The following NAP1L4 variants were observed in gnomAD, a reference collection of about 807,000 sequenced individuals.
The protein encoded by NAP1L4 is nucleosome assembly protein 1 like 4.
A neutral mutation model predicts 58.2 loss-of-function variants in NAP1L4; 15 were observed. The ratio of observed to expected loss-of-function variants is 0.26; its 90% CI spans 0.17 to 0.40. The LOEUF (loss-of-function observed/expected upper bound fraction) is 0.40. Ranked by LOEUF, NAP1L4 falls within the 10% of genes least tolerant of loss-of-function variation. NAP1L4 has a pLI of 1.00. For missense variants in NAP1L4, 384 were observed against 451.1 expected (o/e 0.85, Z 1.35); for synonymous variants, 171 against 155.6 (o/e 1.10, Z -0.74).
At chr11:2,963,865 G>A (rs928908477) in intron 8 of NAP1L4, 2 of 519,174 alleles carry the variant, frequency 3.9e-6, no homozygotes, top group African/African-American at 3.8e-5. Context: ...ATTAGCTACA[G>A]CCAGGCTAAC....
At chr11:2,987,462 A>T (rs2134027030) in intron 1 of NAP1L4, among the ~76,000 whole-genome samples, 1 of 151,448 alleles carries the variant, frequency 6.6e-6, no homozygotes, top group Non-Finnish European at 1.5e-5. Flanking sequence ...TAATGTTTAA[A>T]AGCAATGAAT....
Position 2,945,409 on chromosome 11 carries a change from G to A in NAP1L4, c.*270C>T. ...GTGCTGGACGAAACCTCCTATTTCTGAAATGCATTTCAGTTGCCACTGTAC... is the reference window on the plus strand; with the variant it reads ...GTGCTGGACGAAACCTCCTATTTCTAAAATGCATTTCAGTTGCCACTGTAC... On this transcript the variant is annotated 3_prime_UTR_variant, in exon 16 of 16. Transcript: ENST00000380542. The A allele has an allele frequency of 1.7e-6, 1 of 573,070 alleles. No homozygotes were observed. The highest frequency in any genetic ancestry group is 3.1e-6 in the Non-Finnish European group (1 of 324,530). 35.5% of individuals were successfully genotyped at this position (573,070 alleles called of 1,614,324 possible).
At position 2,954,726 on chromosome 11, in the gene NAP1L4, C is replaced by T. The variant is rs947969987; in HGVS notation, c.916-80G>A. The T allele has an allele frequency of 2.5e-6, 4 of 1,580,502 alleles. No homozygotes were observed. The African/African-American group carries it at 4.0e-5, about 16-fold the overall frequency. On this transcript the variant is annotated intron_variant, in intron 11 of 15. Transcript: ENST00000380542. The surrounding 1 kb of genome is among the most constrained non-coding windows in gnomAD (Gnocchi z 4.8). ...TTCACCACCCTCAGCCAAACCTCAG[C>T]CCCTCACTTTTGATTTACTTAACTT...
chr11:2,968,638 A>G (rs946580639), intron 7 of NAP1L4, among the ~76,000 whole-genome samples: 1 of 152,234 alleles, frequency 6.6e-6, no homozygotes, highest in East Asian at 1.9e-4. Flanking sequence ...TAAAAACCGT[A>G]GCTGTAAAAT....
intron 10 of NAP1L4, among the ~76,000 whole-genome samples, chr11:2,957,497 C>T (rs900630429): frequency 6.6e-6 from 1 of 152,238 alleles, no homozygotes; most frequent in African/African-American, 2.4e-5. Flanking sequence ...GCCCCACATA[C>T]AAACAAACAC....
In NAP1L4 at chr11:2,948,867, A is replaced by G. The variant is rs1338418882; in HGVS notation, c.*32+360T>C. 6.6e-6 allele frequency among the ~76,000 whole-genome samples: 1 copy of G among 152,238 alleles called. No homozygotes were observed. Among genetic ancestry groups the G allele is most frequent in the Non-Finnish European group, 1.5e-5 (1 of 68,038 alleles). ...GTTCTGAGCACAGCTGGGACAGCCC[A>G]GTGTGTTATGCTCTCTGCAAGGACT... On this transcript the variant is annotated intron_variant, in intron 15 of 15. Coordinates refer to ENST00000380542, the MANE Select transcript of NAP1L4 (RefSeq NM_005969.4). The surrounding 1 kb of genome is among the most constrained non-coding windows in gnomAD (Gnocchi z 5.1).
chr11:2,982,471 T>C (rs750071250), intron 1 of NAP1L4, among the ~76,000 whole-genome samples: 21 of 152,186 alleles, frequency 1.4e-4, no homozygotes, highest in Non-Finnish European at 2.9e-4. Context: ...ACATACTTCA[T>C]TTCCAGCACC....
At chr11:2,950,377 G>C (rs572627338) in intron 14 of NAP1L4, among the ~76,000 whole-genome samples, 2 of 152,316 alleles carry the variant, frequency 1.3e-5, no homozygotes, top group East Asian at 3.9e-4. Flanking sequence ...GAAACAGCCA[G>C]TTTAAACCAA....
chr11:2,956,425 T>G (rs1386059662), intron 10 of NAP1L4, among the ~76,000 whole-genome samples: 2 of 152,090 alleles, frequency 1.3e-5, no homozygotes, highest in Non-Finnish European at 2.9e-5. Flanking sequence ...TTAGAAACAT[T>G]TACTACAAGA....
In NAP1L4 at chr11:2,944,652, A is replaced by AG. The variant is rs910596038; in HGVS notation, c.*1026dup. The AG allele has an allele frequency of 1.8e-4, 28 of 152,354 alleles. No individual in the cohort carries two copies. Among genetic ancestry groups the AG allele is most frequent in the African/African-American group, 6.7e-4 (28 of 41,578 alleles). 9.4% of individuals were successfully genotyped at this position (152,354 alleles called of 1,614,324 possible). A position where few individuals can be genotyped will look rare whatever the true frequency, so the allele number is the denominator to read the frequency against. ...CGGTCACACCAAACCCAGGACCTTCAGACAGGATGAATGGTGGGGCCCCGC... is the reference window on the plus strand; with the variant it reads ...CGGTCACACCAAACCCAGGACCTTCAGGACAGGATGAATGGTGGGGCCCCGC... On this transcript the variant is annotated 3_prime_UTR_variant, in exon 16 of 16. Transcript: ENST00000380542.
intron 3 of NAP1L4, among the ~76,000 whole-genome samples, chr11:2,977,279 A>C (rs1316786231): frequency 6.6e-6 from 1 of 152,094 alleles, no homozygotes; most frequent in Non-Finnish European, 1.5e-5. Context: ...CCTTGGTAAC[A>C]GAGAAGTCTG....
At chr11:2,972,917 GCTA>G (rs776861873) in intron 4 of NAP1L4, among the ~76,000 whole-genome samples, 16 of 152,158 alleles carry the variant, frequency 1.1e-4, no homozygotes, top group Non-Finnish European at 8.8e-5. Context: ...GCAGCAGGGA[GCTA>G]TGATTGCGCT....
rs1164562208 is a variant in NAP1L4 at position 2,951,993 on chromosome 11, T to C, written c.1036-184A>G. ...TTGTGTGCAGCGCATTTTAAAAGCATGCCAGGAAATTGAAAGTCACGCAAA... is the reference window on the plus strand; with the variant it reads ...TTGTGTGCAGCGCATTTTAAAAGCACGCCAGGAAATTGAAAGTCACGCAAA... On this transcript the variant is annotated intron_variant, in intron 12 of 15. Coordinates refer to ENST00000380542, the MANE Select transcript of NAP1L4 (RefSeq NM_005969.4). This position sits in a 1 kb window ranked among gnomAD's most constrained non-coding sequence, Gnocchi z 4.0. 3.1e-6 allele frequency: 2 copies of C among 641,496 alleles called. No homozygotes were observed. Among genetic ancestry groups the C allele is most frequent in the African/African-American group, 3.6e-5 (2 of 54,910 alleles). The allele number at this position is 641,496 out of a possible 1,614,324, so 39.7% of individuals were successfully genotyped here.
intron 4 of NAP1L4, among the ~76,000 whole-genome samples, chr11:2,975,661 GT>G (rs1222746655): frequency 6.6e-6 from 1 of 151,298 alleles, no homozygotes; most frequent in Non-Finnish European, 1.5e-5. Flanking sequence ...TTTTTTTAAG[GT>G]GTTGGTGTCA....
In NAP1L4 at chr11:2,951,943, C is replaced by G; in HGVS notation, c.1036-134G>C. 1 of 811,842 alleles carries G rather than the reference C, an allele frequency of 1.2e-6. No individual in the cohort carries two copies. The highest frequency in any genetic ancestry group is 2.1e-6 in the Non-Finnish European group (1 of 474,310). 50.3% of individuals were successfully genotyped at this position (811,842 alleles called of 1,614,324 possible). A position where few individuals can be genotyped will look rare whatever the true frequency, so the allele number is the denominator to read the frequency against. On this transcript the variant is annotated intron_variant, in intron 12 of 15. Coordinates refer to ENST00000380542, the MANE Select transcript of NAP1L4 (RefSeq NM_005969.4). The surrounding 1 kb of genome is among the most constrained non-coding windows in gnomAD (Gnocchi z 4.0). ...AGTCCAGCCACGCTGCCTGCTGGGC[C>G]TCGCTTGCCTGAGGAGCCATTTGCT... is the stretch of plus-strand genomic sequence containing the variant.
chr11:2,986,872 A>G (rs1018150216), intron 1 of NAP1L4, among the ~76,000 whole-genome samples: 1 of 151,014 alleles, frequency 6.6e-6, no homozygotes, highest in East Asian at 1.9e-4. Flanking sequence ...CAGGTGATCC[A>G]CCTGCCTCAA....
intron 6 of NAP1L4, among the ~76,000 whole-genome samples, chr11:2,970,717 C>T (rs1456133079): frequency 6.6e-6 from 1 of 152,228 alleles, no homozygotes; most frequent in East Asian, 1.9e-4. Context: ...TCAGCAAAGG[C>T]AGATTTCCCT....
intron 1 of NAP1L4, among the ~76,000 whole-genome samples, chr11:2,984,000 A>G (rs1219321128): frequency 6.6e-6 from 1 of 151,554 alleles, no homozygotes; most frequent in Non-Finnish European, 1.5e-5. Context: ...AAAAGAAAAA[A>G]AAAAAAAATG....
At chr11:2,956,870 T>C (rs1480470927) in intron 10 of NAP1L4, among the ~76,000 whole-genome samples, 2 of 152,232 alleles carry the variant, frequency 1.3e-5, no homozygotes, top group Non-Finnish European at 2.9e-5. Flanking sequence ...GTTCCTTCAC[T>C]ACCCCATTAC....
Sources: gnomAD v4.1 joint callset for allele counts (sites outside exome capture counted in the v4.1 genomes callset) on GRCh38, gnomAD v4.1.1 for gene constraint, Gnocchi (gnomAD v3.1) non-coding constraint, MANE v1.5 for transcripts, NCBI Gene and HGNC (gene_info 2026-07-23, HGNC 2026-07-21) for gene names.